The following NRXN3 variants were observed in gnomAD, a reference collection of about 807,000 sequenced individuals.
NRXN3 encodes the protein neurexin 3.
A neutral mutation model predicts 137.6 loss-of-function variants in NRXN3; 32 were observed. The ratio of observed to expected loss-of-function variants is 0.23; its 90% CI spans 0.18 to 0.31. NRXN3 has a LOEUF of 0.31. NRXN3 is among the 10% of genes least tolerant of loss of function. The pLI, the probability that NRXN3 is intolerant of heterozygous loss-of-function variation, is 1.00. For missense variants in NRXN3, 1,574 were observed against 2,062.5 expected (o/e 0.76, Z 4.59); for synonymous variants, 798 against 784.5 (o/e 1.02, Z -0.29).
chr14:79,607,156 C>T (rs1308407803), intron 16 of NRXN3, among the ~76,000 whole-genome samples: 1 of 152,220 alleles, frequency 6.6e-6, no homozygotes, highest in East Asian at 1.9e-4. Flanking sequence ...CATTGGAAAA[C>T]TGTCTATGTA....
At chr14:79,817,946 T>A (rs1555763582) in intron 20 of NRXN3, among the ~76,000 whole-genome samples, 2 of 152,060 alleles carry the variant, frequency 1.3e-5, no homozygotes, top group Non-Finnish European at 2.9e-5. Flanking sequence ...TACCCTGGTT[T>A]CCCATAAGGA....
intron 15 of NRXN3, among the ~76,000 whole-genome samples, chr14:79,464,727 A>G (rs998699186): frequency 5.9e-5 from 9 of 152,180 alleles, no homozygotes; most frequent in Admixed American, 5.2e-4. Context: ...TTATTGTGTA[A>G]TTACATTGGT....
At chr14:78,489,243 C>T (rs1356747106) in intron 4 of NRXN3, among the ~76,000 whole-genome samples, 2 of 152,204 alleles carry the variant, frequency 1.3e-5, no homozygotes, top group Non-Finnish European at 2.9e-5. Flanking sequence ...GACTCGCTCT[C>T]TCAGACAATC....
chr14:78,251,476 T>C (rs1242532218), intron 2 of NRXN3, among the ~76,000 whole-genome samples: 1 of 152,216 alleles, frequency 6.6e-6, no homozygotes, highest in Non-Finnish European at 1.5e-5. Context: ...AAGCAACAGG[T>C]CCCACCTCTG....
At chr14:79,769,400 G>A (rs1232335570) in intron 19 of NRXN3, among the ~76,000 whole-genome samples, 1 of 151,994 alleles carries the variant, frequency 6.6e-6, no homozygotes, top group Admixed American at 6.6e-5. Flanking sequence ...TCAAAGGGAA[G>A]CCCATCAGAC....
At chr14:79,337,183 A>G (rs1257171708) in intron 15 of NRXN3, among the ~76,000 whole-genome samples, 1 of 152,192 alleles carries the variant, frequency 6.6e-6, no homozygotes, top group Admixed American at 6.5e-5. Flanking sequence ...GAAACTGGCT[A>G]CTGAATCTGA....
At chr14:79,537,587 C>T (rs904902159) in intron 16 of NRXN3, among the ~76,000 whole-genome samples, 1 of 152,096 alleles carries the variant, frequency 6.6e-6, no homozygotes, top group African/African-American at 2.4e-5. Context: ...TGATGGTTTC[C>T]AGCTTCATCC....
intron 19 of NRXN3, among the ~76,000 whole-genome samples, chr14:79,728,169 T>C (rs1262533343): frequency 6.6e-6 from 1 of 152,036 alleles, no homozygotes; most frequent in African/African-American, 2.4e-5. Context: ...CCCAGAAAAT[T>C]AAAAGCAAAA....
chr14:79,544,271 A>T (rs1222600620), intron 16 of NRXN3, among the ~76,000 whole-genome samples: 1 of 152,180 alleles, frequency 6.6e-6, no homozygotes, highest in African/African-American at 2.4e-5. Flanking sequence ...TACACAAAGT[A>T]GGCGAGCACA....
Position 78,695,189 on chromosome 14 carries a change from A to G in NRXN3, c.1222-14028A>G, listed in dbSNP as rs146874868. 230 of 152,022 alleles carry G rather than the reference A, an allele frequency of 1.5e-3. 1 individual carries two copies. Among genetic ancestry groups the G allele is most frequent in the African/African-American group, 5.4e-3 (224 of 41,418 alleles). 9.4% of individuals were successfully genotyped at this position (152,022 alleles called of 1,614,324 possible). A position where few individuals can be genotyped will look rare whatever the true frequency, so the allele number is the denominator to read the frequency against. ...GTATGTGTGATCTTCCTTTGCCTTC[A>G]TCTTATAAGGATTCAAGTGCTTGCA... On this transcript the variant is annotated intron_variant, in intron 6 of 20. Coordinates refer to ENST00000335750, the MANE Select transcript of NRXN3 (RefSeq NM_001330195.2).
At chr14:78,986,893 T>C (rs2099507510) in intron 14 of NRXN3, among the ~76,000 whole-genome samples, 2 of 151,458 alleles carry the variant, frequency 1.3e-5, no homozygotes. Context: ...TGTAGTGGCG[T>C]GTGCCTGTAA....
At chr14:78,647,256 A>C (rs1315506764) in intron 5 of NRXN3, among the ~76,000 whole-genome samples, 1 of 152,262 alleles carries the variant, frequency 6.6e-6, no homozygotes, top group East Asian at 1.9e-4. Context: ...TAATCAGAGC[A>C]GCTAGAGGAA....
intron 4 of NRXN3, among the ~76,000 whole-genome samples, chr14:78,311,240 C>T (rs1018337798): frequency 1.3e-5 from 2 of 152,230 alleles, no homozygotes; most frequent in East Asian, 3.9e-4. Context: ...ATATCCAGTG[C>T]CTGTAACATT....
At chr14:79,624,971 T>C (rs2098267863) in intron 16 of NRXN3, among the ~76,000 whole-genome samples, 1 of 151,980 alleles carries the variant, frequency 6.6e-6, no homozygotes, top group Admixed American at 6.6e-5. Context: ...ACCTGGCTAA[T>C]TGTTTGTTGT....
chr14:78,660,874 A>G (rs1211697670), intron 6 of NRXN3, among the ~76,000 whole-genome samples: 4 of 152,236 alleles, frequency 2.6e-5, no homozygotes, highest in African/African-American at 9.6e-5. Flanking sequence ...TGCTAACAAA[A>G]AGATAGGTCC....
rs552896685 is a variant in NRXN3, at chr14:79,062,070, T to A, written c.3262+73929T>A. ...TATTTAGTAAAACGTCCATAATTTT[T>A]AAATTGCTTTATTTAGCCACTGGCT... is the stretch of plus-strand genomic sequence containing the variant. On this transcript the variant is annotated intron_variant, in intron 15 of 20. Coordinates refer to ENST00000335750, the MANE Select transcript of NRXN3 (RefSeq NM_001330195.2). Among the ~76,000 whole-genome samples the A allele has an allele frequency of 4.6e-5, 7 of 152,338 alleles. No individual in the cohort carries two copies. The South Asian group carries it at 1.5e-3, about 32-fold the overall frequency.
intron 15 of NRXN3, among the ~76,000 whole-genome samples, chr14:79,430,003 G>GT (rs147769780): frequency 0.015 from 2,334 of 151,798 alleles, 67 homozygotes; most frequent in African/African-American, 0.054. Flanking sequence ...TCAAAATTAA[G>GT]TTTTTTCCAT....
At chr14:79,014,748 A>C (rs1240783419) in intron 15 of NRXN3, among the ~76,000 whole-genome samples, 2 of 152,116 alleles carry the variant, frequency 1.3e-5, no homozygotes, top group Non-Finnish European at 2.9e-5. Flanking sequence ...GAGTTTCCAG[A>C]GTTCTTGTGA....
chr14:78,832,317 A>C (rs1269141165), intron 10 of NRXN3, among the ~76,000 whole-genome samples: 2 of 152,240 alleles, frequency 1.3e-5, no homozygotes. Context: ...AGAAAGAAAT[A>C]ATTCCAGATT....
Sources: allele counts gnomAD v4.1 joint callset (sites outside exome capture counted in the v4.1 genomes callset), GRCh38; gene constraint gnomAD v4.1.1; transcripts MANE v1.5; gene names NCBI Gene and HGNC (gene_info 2026-07-23, HGNC 2026-07-21).